SREK1IP1: variants seen among roughly 807,000 people sequenced by gnomAD.
The protein encoded by SREK1IP1 is protein SREK1IP1.
In SREK1IP1, 12 loss-of-function variants were observed where a neutral mutation model predicts 22.8. The ratio of observed to expected loss-of-function variants is 0.53; its 90% CI spans 0.34 to 0.85. The LOEUF is 0.85. Ranked by LOEUF, SREK1IP1 falls within the 40% of genes least tolerant of loss-of-function variation. SREK1IP1 has a pLI of 0.02. For missense variants in SREK1IP1, 147 were observed against 171.8 expected, an observed-to-expected ratio of 0.86 and a Z score of 0.81; for synonymous variants, 53 against 52.7, an observed-to-expected ratio of 1.01 and a Z score of -0.02.
chr5:64,768,664 G>A lies in SREK1IP1; in HGVS notation c.-147C>T. ...CGCTACGGTCGGGAAGGGCCTGTACGCCTCTAGCGACGGCAGAACCAGTAG... is the reference window on the plus strand; with the variant it reads ...CGCTACGGTCGGGAAGGGCCTGTACACCTCTAGCGACGGCAGAACCAGTAG... On this transcript the variant is annotated 5_prime_UTR_variant, in exon 1 of 5. Transcript: ENST00000513458. 9.3e-7 allele frequency: 1 copy of A among 1,078,430 alleles called. No homozygotes were observed. The highest frequency in any genetic ancestry group is 1.4e-5 in the South Asian group (1 of 73,948). 66.8% of individuals were successfully genotyped at this position (1,078,430 alleles called of 1,614,324 possible). A position where few individuals can be genotyped will look rare whatever the true frequency, so the allele number is the denominator to read the frequency against.
intron 2 of SREK1IP1, among the ~76,000 whole-genome samples, chr5:64,742,527 T>C (rs1742568412): frequency 6.6e-6 from 1 of 152,240 alleles, no homozygotes; most frequent in African/African-American, 2.4e-5. Context: ...GATCCACTAA[T>C]GATTCACTAC....
intron 3 of SREK1IP1, among the ~76,000 whole-genome samples, chr5:64,736,617 A>G (rs1016787206): frequency 2.6e-5 from 4 of 151,954 alleles, no homozygotes; most frequent in Non-Finnish European, 5.9e-5. Flanking sequence ...ATGCGCCACC[A>G]TGCCCAGCTA....
intron 3 of SREK1IP1, among the ~76,000 whole-genome samples, chr5:64,728,470 G>A (rs1011940324): frequency 1.3e-5 from 2 of 152,060 alleles, no homozygotes; most frequent in South Asian, 4.1e-4. Context: ...GGTATTGTTT[G>A]GCCCTTAAAA....
intron 2 of SREK1IP1, among the ~76,000 whole-genome samples, chr5:64,754,039 A>G (rs780925488): frequency 6.6e-6 from 1 of 152,238 alleles, no homozygotes; most frequent in Non-Finnish European, 1.5e-5. Flanking sequence ...TAAAAAATAT[A>G]CTTTCTCCAA....
intron 1 of SREK1IP1, among the ~76,000 whole-genome samples, chr5:64,766,558 A>G (rs767352512): frequency 4.6e-5 from 7 of 152,258 alleles, no homozygotes; most frequent in Non-Finnish European, 7.3e-5. Flanking sequence ...AGCCAGAATT[A>G]TCTTTCCAAA....
intron 4 of SREK1IP1, among the ~76,000 whole-genome samples, chr5:64,726,957 A>T (rs1198529120): frequency 1.3e-5 from 2 of 152,260 alleles, no homozygotes; most frequent in African/African-American, 4.8e-5. Flanking sequence ...ACTATCAGAT[A>T]TCATTTCCTG....
intron 1 of SREK1IP1, among the ~76,000 whole-genome samples, chr5:64,757,745 G>A (rs1742867769): frequency 1.3e-5 from 2 of 151,606 alleles, no homozygotes; most frequent in Non-Finnish European, 2.9e-5. Context: ...AAGCTCACTT[G>A]CACAGCAAAC....
rs59456636 is a variant in SREK1IP1, at chr5:64,757,861, CTTTTTTTTTTTTTTT to C, written c.14-3514_14-3500del. 2.9e-4 allele frequency among the ~76,000 whole-genome samples: 21 copies of C among 72,962 alleles called. No homozygotes were observed. The East Asian group carries it at 6.5e-3, about 23-fold the overall frequency. The allele number at this position is 72,962 out of a possible 152,430, so 47.9% of individuals were successfully genotyped here. A position where few individuals can be genotyped will look rare whatever the true frequency, so the allele number is the denominator to read the frequency against. ...GCTACTGTTTCTATTAGGTTCCTATCTTTTTTTTTTTTTTTTTTTTTTTTTTGAGACGGAGTCTGC... is the reference window on the plus strand; with the variant it reads ...GCTACTGTTTCTATTAGGTTCCTATCTTTTTTTTTTTGAGACGGAGTCTGC... On this transcript the variant is annotated intron_variant, in intron 1 of 4. Transcript: ENST00000513458.
intron 2 of SREK1IP1, among the ~76,000 whole-genome samples, chr5:64,747,582 T>C (rs1742661675): frequency 6.6e-6 from 1 of 152,178 alleles, no homozygotes; most frequent in African/African-American, 2.4e-5. Flanking sequence ...ATTAGAGCCC[T>C]TGTATATTTC....
chr5:64,738,770 C>T (rs960930885), intron 3 of SREK1IP1, among the ~76,000 whole-genome samples: 4 of 152,072 alleles, frequency 2.6e-5, no homozygotes, highest in African/African-American at 9.7e-5. Context: ...AAGTGTATAT[C>T]CACATACAAA....
chr5:64,728,124 C>A lies in SREK1IP1; in HGVS notation c.261G>T (p.Leu87Phe), dbSNP rs1316821329. ...KKEKSKEKIK[L>F]KKKRKRSYSS... ...AAAAATACCTTTTCCTTTTTTTTTT[C>A]AATTTGATTTTTTCTTTGCTTTTTT... Residue 87 changes from leucine to phenylalanine, a missense_variant, in exon 4 of 5, where the codon TTG (leucine) becomes TTT (phenylalanine). Physicochemically the swap from Leu to Phe is conservative, Grantham distance 22 (BLOSUM62 0). Transcript: ENST00000513458. The A allele has an allele frequency of 7.3e-7, 1 of 1,379,188 alleles. No individual in the cohort carries two copies. Among genetic ancestry groups the A allele is most frequent in the Non-Finnish European group, 9.5e-7 (1 of 1,057,020 alleles). 85.4% of individuals were successfully genotyped at this position (1,379,188 alleles called of 1,614,324 possible).
intron 2 of SREK1IP1, 151 bp downstream of exon 2, chr5:64,754,163 CT>C (rs1742796484): frequency 1.5e-6 from 1 of 661,460 alleles, no homozygotes; most frequent in Non-Finnish European, 2.6e-6. Flanking sequence ...ATATTTAGTG[CT>C]AACAGAGGAA....
At chr5:64,755,008 A>G (rs1375625372) in intron 1 of SREK1IP1, among the ~76,000 whole-genome samples, 1 of 152,212 alleles carries the variant, frequency 6.6e-6, no homozygotes. Flanking sequence ...AACCACAGTG[A>G]GATACCAACT....
At chr5:64,730,936 T>C (rs1742367611) in intron 3 of SREK1IP1, among the ~76,000 whole-genome samples, 1 of 149,456 alleles carries the variant, frequency 6.7e-6, no homozygotes, top group African/African-American at 2.6e-5. Flanking sequence ...TGCAAAAGAA[T>C]AATGGTGATA....
At chr5:64,727,530 C>CATATATATAT (rs370322604) in intron 4 of SREK1IP1, 9 of 117,472 alleles carry the variant, frequency 7.7e-5, no homozygotes, top group African/African-American at 3.6e-4. Context: ...CATATAATTA[C>CATATATATAT]ATATATATAT....
intron 3 of SREK1IP1, among the ~76,000 whole-genome samples, chr5:64,732,899 G>A: frequency 6.9e-6 from 1 of 145,610 alleles, no homozygotes. Flanking sequence ...CACACAAATA[G>A]AACCAACTGA....
rs10599290 is a variant in SREK1IP1 at position 64,731,521 on chromosome 5, C to CAAAAA, written c.206-3347_206-3343dup. Among the ~76,000 whole-genome samples, 640 of 74,660 alleles carry CAAAAA rather than the reference C, an allele frequency of 8.6e-3. 11 individuals are homozygous for CAAAAA. Among genetic ancestry groups the CAAAAA allele is most frequent in the African/African-American group, 0.024 (601 of 24,624 alleles). 49.0% of individuals were successfully genotyped at this position (74,660 alleles called of 152,430 possible). Reference sequence around the variant, plus strand: ...TAGACAACAGAGTGGGCCCTTGTCTCAAAAAAAAAAAAAAAAAGAGGACAG... The same window carrying CAAAAA: ...TAGACAACAGAGTGGGCCCTTGTCTCAAAAAAAAAAAAAAAAAAAAAAGAGGACAG... On this transcript the variant is annotated intron_variant, in intron 3 of 4. Transcript: ENST00000513458.
intron 3 of SREK1IP1, among the ~76,000 whole-genome samples, chr5:64,734,756 C>T (rs905940916): frequency 6.6e-6 from 1 of 152,092 alleles, no homozygotes. Flanking sequence ...GCTAACTGAT[C>T]TTGTAGACTC....
chr5:64,736,392 A>AT (rs1274962238), intron 3 of SREK1IP1, among the ~76,000 whole-genome samples: 2 of 152,258 alleles, frequency 1.3e-5, no homozygotes, highest in Middle Eastern at 3.4e-3. Context: ...TTGTCTATCC[A>AT]TAAGAATTTT....
Sources: allele counts gnomAD v4.1 joint callset (sites outside exome capture counted in the v4.1 genomes callset), GRCh38; gene constraint gnomAD v4.1.1; transcripts MANE v1.5; gene names NCBI Gene and HGNC (gene_info 2026-07-23, HGNC 2026-07-21).